Variants in ADAM32 observed in about 807,000 individuals in gnomAD.
The protein encoded by ADAM32 is disintegrin and metalloproteinase domain-containing protein 32.
A neutral mutation model predicts 114.9 loss-of-function variants in ADAM32; 89 were observed. The ratio of observed to expected loss-of-function variants is 0.77; its 90% CI spans 0.65 to 0.92. ADAM32 has a LOEUF of 0.92. Among genes scored for constraint, ADAM32 ranks in the 40% least tolerant of loss-of-function variants. ADAM32 has a pLI of 0.00. For missense variants in ADAM32, 870 were observed against 932.8 expected, an observed-to-expected ratio of 0.93 and a Z score of 0.88; for synonymous variants, 285 against 307.5, an observed-to-expected ratio of 0.93 and a Z score of 0.77.
At chr8:39,199,209 A>G (rs533403580) in intron 11 of ADAM32, among the ~76,000 whole-genome samples, 2 of 152,314 alleles carry the variant, frequency 1.3e-5, no homozygotes, top group Non-Finnish European at 2.9e-5. Flanking sequence ...TGGGTTGAAC[A>G]TATTTCAAGA....
In ADAM32 at chr8:39,132,120, C is replaced by T. The variant is rs188787555; in HGVS notation, c.139-4537C>T. The T allele has an allele frequency of 9.1e-5, 15 of 164,148 alleles. 1 individual carries two copies. The East Asian group carries it at 1.7e-3, about 19-fold the overall frequency. 10.2% of individuals were successfully genotyped at this position (164,148 alleles called of 1,614,324 possible). ...GTTGGTCAGGCTGATCTCGAACTCC[C>T]GACCTCAGGTGATCCGCCCACCTTG... On this transcript the variant is annotated intron_variant, in intron 2 of 24. Coordinates refer to ENST00000379907, the MANE Select transcript of ADAM32 (RefSeq NM_145004.7).
chr8:39,257,449 T>C (rs1410096184), intron 19 of ADAM32, 106 bp downstream of exon 19: 1 of 1,301,678 alleles, frequency 7.7e-7, no homozygotes, highest in African/African-American at 1.5e-5. Context: ...TCACTGGGAT[T>C]TTGAGTATTA....
intron 7 of ADAM32, 61 bp downstream of exon 7, chr8:39,161,026 G>C: frequency 7.2e-7 from 1 of 1,391,890 alleles, no homozygotes; most frequent in Non-Finnish European, 9.8e-7. Flanking sequence ...ATTATGCCTA[G>C]CTAGCTAGAC....
chr8:39,215,094 T>C (rs189966847), intron 12 of ADAM32, among the ~76,000 whole-genome samples: 1 of 152,256 alleles, frequency 6.6e-6, no homozygotes, highest in East Asian at 1.9e-4. Flanking sequence ...GTAGTATAAT[T>C]TGATATCAGG....
chr8:39,261,035 T>C (rs1465669033), intron 19 of ADAM32, among the ~76,000 whole-genome samples: 2 of 152,202 alleles, frequency 1.3e-5, no homozygotes, highest in Admixed American at 6.5e-5. Context: ...AATTAGCAGA[T>C]ATATCATCTC....
intron 4 of ADAM32, among the ~76,000 whole-genome samples, chr8:39,148,426 T>C (rs1349638761): frequency 6.6e-6 from 1 of 152,130 alleles, no homozygotes; most frequent in Non-Finnish European, 1.5e-5. Flanking sequence ...TATTAGTCGT[T>C]GACTAACCCC....
In ADAM32 at chr8:39,150,173, G is replaced by C. The variant is rs544096772; in HGVS notation, c.353+306G>C. On this transcript the variant is annotated intron_variant, in intron 5 of 24. Coordinates refer to ENST00000379907, the MANE Select transcript of ADAM32 (RefSeq NM_145004.7). ...ACAAGTGTTTTAGGAGCTAAGTTTA[G>C]GACAGCTCAGTCACTGTCTTGGAAA... 7.9e-5 allele frequency among the ~76,000 whole-genome samples: 12 copies of C among 152,206 alleles called. No individual in the cohort carries two copies. The South Asian group carries it at 2.5e-3, about 32-fold the overall frequency.
Position 39,123,956 on chromosome 8 carries a change from G to T in ADAM32, c.138+5791G>T, listed in dbSNP as rs192542586. ...TCCTGACCTCAGGTGATCCACCTCC[G>T]TCAGCCTCTCAAAGTGCTGGGATTA... On this transcript the variant is annotated intron_variant, in intron 2 of 24. Transcript: ENST00000379907. Among the ~76,000 whole-genome samples the T allele has an allele frequency of 4.1e-3, 618 of 150,864 alleles. 6 individuals carry two copies. Among genetic ancestry groups the T allele is most frequent in the African/African-American group, 0.014 (591 of 41,114 alleles).
At chr8:39,153,162 T>C (rs1330926962) in intron 6 of ADAM32, among the ~76,000 whole-genome samples, 1 of 152,224 alleles carries the variant, frequency 6.6e-6, no homozygotes, top group Non-Finnish European at 1.5e-5. Flanking sequence ...GGCAATCCTA[T>C]ATCTTAAATA....
intron 12 of ADAM32, among the ~76,000 whole-genome samples, chr8:39,216,806 G>A (rs981659377): frequency 6.6e-6 from 1 of 151,744 alleles, no homozygotes; most frequent in African/African-American, 2.4e-5. Flanking sequence ...TACTGACTAT[G>A]TCTTGAAAAG....
intron 13 of ADAM32, among the ~76,000 whole-genome samples, chr8:39,222,073 T>C (rs1472935715): frequency 6.6e-6 from 1 of 152,050 alleles, no homozygotes; most frequent in African/African-American, 2.4e-5. Flanking sequence ...TTGAAAGATA[T>C]AGCAGATTTC....
intron 11 of ADAM32, among the ~76,000 whole-genome samples, chr8:39,203,491 G>A (rs965575083): frequency 7.9e-5 from 12 of 152,024 alleles, no homozygotes; most frequent in African/African-American, 2.9e-4. Flanking sequence ...TTGGTAGATC[G>A]TCCTCCATCC....
At chr8:39,140,859 C>T (rs1373534798) in intron 3 of ADAM32, among the ~76,000 whole-genome samples, 1 of 152,140 alleles carries the variant, frequency 6.6e-6, no homozygotes, top group Non-Finnish European at 1.5e-5. Flanking sequence ...AGAGATTCAA[C>T]TTCTTCCTGG....
chr8:39,142,050 A>T (rs183521993), intron 3 of ADAM32, among the ~76,000 whole-genome samples: 21 of 152,188 alleles, frequency 1.4e-4, no homozygotes, highest in Admixed American at 2.0e-4. Flanking sequence ...TTTGCTTGGT[A>T]GATCTTCCTC....
intron 2 of ADAM32, among the ~76,000 whole-genome samples, chr8:39,122,696 C>A (rs1001138938): frequency 8.5e-5 from 13 of 152,184 alleles, no homozygotes; most frequent in African/African-American, 3.1e-4. Flanking sequence ...CATGCATCAG[C>A]CTCCCAAGTA....
rs1253714498 is a variant in ADAM32 at position 39,254,479 on chromosome 8, TTCC to T, written c.1969_1971del (p.Ser657del). On this transcript the variant is annotated inframe_deletion, in exon 18 of 25. Coordinates refer to ENST00000379907, the MANE Select transcript of ADAM32 (RefSeq NM_145004.7). ...ATAAGCCTCCAAACTGCCAAATACG[TTCC>T]AAAGGATTTTCCATATTTCCTGAGG... The T allele has an allele frequency of 6.3e-7, 1 of 1,596,006 alleles. No homozygotes were observed. Among genetic ancestry groups the T allele is most frequent in the Non-Finnish European group, 8.5e-7 (1 of 1,170,506 alleles).
intron 11 of ADAM32, among the ~76,000 whole-genome samples, chr8:39,210,147 C>A (rs1808112534): frequency 6.6e-6 from 1 of 152,148 alleles, no homozygotes; most frequent in Non-Finnish European, 1.5e-5. Flanking sequence ...TGGGCACCAG[C>A]CTGGAATCAG....
chr8:39,168,421 C>CA (rs1362528918), intron 9 of ADAM32: 1 of 152,198 alleles, frequency 6.6e-6, no homozygotes, highest in African/African-American at 2.4e-5. Flanking sequence ...TGACTGCCCT[C>CA]AGCATACCTT....
chr8:39,146,600 G>C (rs1049485241), intron 3 of ADAM32, among the ~76,000 whole-genome samples: 9 of 151,730 alleles, frequency 5.9e-5, no homozygotes, highest in Admixed American at 2.0e-4. Flanking sequence ...TAGTAGAGAC[G>C]GGGTTTCACC....
Sources: gnomAD v4.1 joint callset for allele counts (sites outside exome capture counted in the v4.1 genomes callset) on GRCh38, gnomAD v4.1.1 for gene constraint, MANE v1.5 for transcripts, NCBI Gene and HGNC (gene_info 2026-07-23, HGNC 2026-07-21) for gene names.